ARID5B: variants seen among roughly 807,000 people sequenced by gnomAD.
ARID5B encodes the protein AT-rich interaction domain 5B, also known as AT-rich interactive domain-containing protein 5B.
Under a neutral mutation model 97.2 loss-of-function variants are expected in ARID5B, and 13 were observed. That is an observed-to-expected ratio of 0.13 (90% confidence interval 0.09 to 0.21). The LOEUF (loss-of-function observed/expected upper bound fraction) is 0.21. Among genes scored for constraint, ARID5B ranks in the 10% least tolerant of loss-of-function variants. ARID5B has a pLI of 1.00. For missense variants in ARID5B, 1,210 were observed against 1,465.3 expected (o/e 0.83, Z 2.84); for synonymous variants, 556 against 570.3 (o/e 0.97, Z 0.36).
intron 8 of ARID5B, among the ~76,000 whole-genome samples, chr10:62,083,596 T>G (rs2132974783): frequency 6.6e-6 from 1 of 152,250 alleles, no homozygotes. Flanking sequence ...AAAATGAAGC[T>G]GGGGGAAGGG....
chr10:62,087,748 C>A (rs1332631896), intron 9 of ARID5B, among the ~76,000 whole-genome samples: 2 of 152,072 alleles, frequency 1.3e-5, no homozygotes, highest in Non-Finnish European at 2.9e-5. Flanking sequence ...CTGACTCTTA[C>A]ATAAGAAAAT....
chr10:61,987,087 G>C, intron 3 of ARID5B, among the ~76,000 whole-genome samples: 1 of 152,202 alleles, frequency 6.6e-6, no homozygotes, highest in Non-Finnish European at 1.5e-5. Context: ...GGCCAGAGCT[G>C]CCAGGCCAAA....
chr10:61,908,725 G>A (rs1056500682), intron 2 of ARID5B, among the ~76,000 whole-genome samples: 5 of 150,686 alleles, frequency 3.3e-5, no homozygotes, highest in African/African-American at 9.8e-5. Flanking sequence ...GCGTGAACCC[G>A]GGAGGCAGAG....
intron 4 of ARID5B, among the ~76,000 whole-genome samples, chr10:62,030,865 G>GA (rs768992209): frequency 1.3e-5 from 2 of 152,194 alleles, no homozygotes; most frequent in Admixed American, 1.3e-4. Context: ...ACTTGCAGCT[G>GA]AAAATGACCG....
intron 8 of ARID5B, among the ~76,000 whole-genome samples, chr10:62,077,760 C>G (rs921540454): frequency 2.0e-5 from 3 of 152,132 alleles, no homozygotes; most frequent in Non-Finnish European, 4.4e-5. Context: ...AAGGTTTCTA[C>G]TTGTGATTTT....
Position 62,091,321 on chromosome 10 carries a change from G to C in ARID5B, c.1858G>C (p.Ala620Pro). 6.2e-7 allele frequency: 1 copy of C among 1,614,190 alleles called. No homozygotes were observed. Among genetic ancestry groups the C allele is most frequent in the Non-Finnish European group, 8.5e-7 (1 of 1,180,024 alleles). The change falls in exon 10 of 10, where the codon GCA becomes CCA. Residue 620 changes from alanine to proline, a missense_variant. Physicochemically the swap from Ala to Pro is conservative, Grantham distance 27. Coordinates refer to ENST00000279873, the MANE Select transcript of ARID5B (RefSeq NM_032199.3). ...ETEDDKLPAM[A>P]DYIANCTVKV... Reference sequence around the variant, plus strand: ...GGAGGATGACAAACTGCCCGCCATGGCAGATTACATTGCCAACTGCACCGT... The same window carrying C: ...GGAGGATGACAAACTGCCCGCCATGCCAGATTACATTGCCAACTGCACCGT...
chr10:62,086,046 C>T (rs888242130), intron 9 of ARID5B, 146 bp downstream of exon 9: 1 of 842,716 alleles, frequency 1.2e-6, no homozygotes, highest in Non-Finnish European at 1.9e-6. Flanking sequence ...CAGTTCCCCA[C>T]ATAGTTCCCC....
intron 4 of ARID5B, among the ~76,000 whole-genome samples, chr10:62,030,764 C>T (rs1411026822): frequency 1.3e-5 from 2 of 152,200 alleles, no homozygotes; most frequent in Non-Finnish European, 2.9e-5. Flanking sequence ...ATGCCTCTTG[C>T]ATGTATTCAA....
chr10:61,938,058 T>C (rs1488608767), intron 2 of ARID5B, among the ~76,000 whole-genome samples: 1 of 152,130 alleles, frequency 6.6e-6, no homozygotes, highest in East Asian at 1.9e-4. Flanking sequence ...CCTGCATTTG[T>C]TTTTATGTGT....
chr10:61,982,568 G>C (rs1455296145), intron 3 of ARID5B, among the ~76,000 whole-genome samples: 3 of 152,234 alleles, frequency 2.0e-5, no homozygotes, highest in Non-Finnish European at 4.4e-5. Context: ...AAGAAAAGTA[G>C]TCTCTTCATC....
intron 4 of ARID5B, among the ~76,000 whole-genome samples, chr10:62,032,714 C>G (rs558919549): frequency 1.3e-5 from 2 of 152,008 alleles, no homozygotes; most frequent in African/African-American, 4.8e-5. Flanking sequence ...GACTCCATCT[C>G]GGAAAATAAA....
rs1198147863 is a variant in ARID5B, at chr10:62,056,685, T to C, written c.847-432T>C. 3.9e-5 allele frequency among the ~76,000 whole-genome samples: 6 copies of C among 152,300 alleles called. No individual in the cohort carries two copies. In the East Asian group the frequency reaches 1.2e-3, roughly 29 times the overall value. On this transcript the variant is annotated intron_variant, in intron 5 of 9. Transcript: ENST00000279873. ...GAGACAAAAGAATGTTTCTACCAGA[T>C]GCAAAGGCTATCTCTCATTTCACAT...
intron 3 of ARID5B, among the ~76,000 whole-genome samples, chr10:61,960,256 A>G (rs1252433178): frequency 1.3e-5 from 2 of 152,242 alleles, no homozygotes; most frequent in African/African-American, 4.8e-5. Context: ...TACTACGTAC[A>G]GTAATGTCTT....
chr10:61,970,914 G>A (rs1398883626), intron 3 of ARID5B, among the ~76,000 whole-genome samples: 1 of 151,556 alleles, frequency 6.6e-6, no homozygotes, highest in Non-Finnish European at 1.5e-5. Context: ...TGTTTCCTTT[G>A]GTTTATTTTT....
intron 3 of ARID5B, among the ~76,000 whole-genome samples, chr10:61,968,636 G>A (rs1838581193): frequency 6.6e-6 from 1 of 152,122 alleles, no homozygotes; most frequent in African/African-American, 2.4e-5. Flanking sequence ...AACTACCCAT[G>A]TCTAAAACAG....
At chr10:62,045,743 GA>G (rs1209877733) in intron 4 of ARID5B, among the ~76,000 whole-genome samples, 1 of 152,100 alleles carries the variant, frequency 6.6e-6, no homozygotes, top group African/African-American at 2.4e-5. Flanking sequence ...ATTATTGTCT[GA>G]AAAGAAAATG....
intron 8 of ARID5B, among the ~76,000 whole-genome samples, chr10:62,079,786 G>C (rs769290499): frequency 6.6e-6 from 1 of 152,188 alleles, no homozygotes; most frequent in Non-Finnish European, 1.5e-5. Flanking sequence ...CAAATGGAGA[G>C]AGCATTAAAG....
At chr10:61,999,954 T>C (rs550997356) in intron 3 of ARID5B, 137 bp from the exon 4 acceptor site, 41 of 840,534 alleles carry the variant, frequency 4.9e-5, no homozygotes, top group Non-Finnish European at 7.8e-5. Flanking sequence ...GGGAGGATGC[T>C]GGCATCCCCC....
chr10:61,915,412 T>C (rs1843883501), intron 2 of ARID5B, among the ~76,000 whole-genome samples: 1 of 152,140 alleles, frequency 6.6e-6, no homozygotes, highest in Admixed American at 6.5e-5. Flanking sequence ...GTCGGAAAGG[T>C]CTCAGGAGGC....
Sources: gnomAD v4.1 joint callset for allele counts (sites outside exome capture counted in the v4.1 genomes callset) on GRCh38, gnomAD v4.1.1 for gene constraint, MANE v1.5 for transcripts, NCBI Gene and HGNC (gene_info 2026-07-23, HGNC 2026-07-21) for gene names.